The following FAM184B variants were observed in gnomAD, a reference collection of about 807,000 sequenced individuals.
The protein encoded by FAM184B is family with sequence similarity 184 member B.
FAM184B carries 111 observed loss-of-function variants against 135.9 expected under a neutral mutation model. The ratio of observed to expected loss-of-function variants is 0.82; its 90% CI spans 0.70 to 0.96. The LOEUF is 0.96. Among genes scored for constraint, FAM184B ranks in the 40% least tolerant of loss-of-function variants. FAM184B has a pLI of 0.00. For synonymous variants in FAM184B, 552 were observed against 524.8 expected (o/e 1.05, Z -0.71); for missense variants, 1,375 against 1,323.9 (o/e 1.04, Z -0.60).
At chr4:17,761,524 A>AATACCCAG (rs1428203846) in intron 1 of FAM184B, among the ~76,000 whole-genome samples, 1 of 152,198 alleles carries the variant, frequency 6.6e-6, no homozygotes. Context: ...TCAGCCTTGG[A>AATACCCAG]ATACCCAGGC....
intron 10 of FAM184B, among the ~76,000 whole-genome samples, chr4:17,653,236 C>A (rs766442722): frequency 6.6e-6 from 1 of 152,182 alleles, no homozygotes; most frequent in African/African-American, 2.4e-5. Flanking sequence ...ATCAAAGTTC[C>A]TTTAATGTAA....
At chr4:17,637,162 G>C (rs1715168221) in intron 14 of FAM184B, among the ~76,000 whole-genome samples, 1 of 152,114 alleles carries the variant, frequency 6.6e-6, no homozygotes, top group Non-Finnish European at 1.5e-5. Context: ...CTGAGCAGCT[G>C]GTACTACAGG....
At position 17,642,168 on chromosome 4, in the gene FAM184B, C is replaced by T. The variant is rs370959255; in HGVS notation, c.2407G>A (p.Glu803Lys). 4.2e-5 allele frequency: 65 copies of T among 1,532,632 alleles called. No individual in the cohort carries two copies. Among genetic ancestry groups the T allele is most frequent in the East Asian group, 3.0e-4 (12 of 40,652 alleles). 94.9% of individuals were successfully genotyped at this position (1,532,632 alleles called of 1,614,324 possible). Residue 803 changes from glutamate (E) to lysine (K), a missense_variant, in exon 13 of 18, where the codon GAG becomes AAG. Transcript: ENST00000265018. Reference protein sequence around the residue: ...PPGAAGQGSGEGCGLWEENAQ... With the variant: ...PPGAAGQGSGKGCGLWEENAQ... ...TTCTCCTCCCAGAGCCCGCATCCCT[C>T]GCCGGAACCCTGCCCAGCAGCGCCC...
At chr4:17,642,748 C>G (rs531306357) in intron 12 of FAM184B, among the ~76,000 whole-genome samples, 1 of 152,088 alleles carries the variant, frequency 6.6e-6, no homozygotes, top group African/African-American at 2.4e-5. Flanking sequence ...TTCATCTTTC[C>G]AACCCTGTAG....
At position 17,652,936 on chromosome 4, in the gene FAM184B, G is replaced by A; in HGVS notation, c.2085C>T (p.Ile695=). The part of the protein sequence containing the change: ...LKKESSHSLQ[I]QHQTHRLELQ... ...GCTCCAGTCGGTGTGTCTGGTGTTG[G>A]ATCTGGAGGCTGTGGCTGGATTCCT... is the stretch of plus-strand genomic sequence containing the variant. The change falls in exon 11 of 18, where the codon ATC becomes ATT. Residue 695 remains isoleucine, a synonymous_variant. Transcript: ENST00000265018. The A allele has an allele frequency of 6.4e-7, 1 of 1,551,732 alleles. No homozygotes were observed.
At chr4:17,725,565 T>C (rs1243561904) in intron 1 of FAM184B, among the ~76,000 whole-genome samples, 3 of 152,148 alleles carry the variant, frequency 2.0e-5, no homozygotes, top group Admixed American at 6.5e-5. Context: ...CACACTCCTA[T>C]TAGCACATTT....
chr4:17,701,120 A>G (rs757054886), intron 5 of FAM184B, among the ~76,000 whole-genome samples: 9 of 152,200 alleles, frequency 5.9e-5, no homozygotes, highest in Non-Finnish European at 1.3e-4. Context: ...TTGTTTGACT[A>G]GATCTTGTCC....
At chr4:17,714,163 T>C (rs537342413) in intron 1 of FAM184B, among the ~76,000 whole-genome samples, 2 of 152,284 alleles carry the variant, frequency 1.3e-5, no homozygotes, top group Non-Finnish European at 2.9e-5. Context: ...ATGGGGCTGC[T>C]GCAGTTCATC....
chr4:17,629,830 G>T lies in FAM184B; in HGVS notation c.*2702C>A, dbSNP rs1387949091. On this transcript the variant is annotated 3_prime_UTR_variant, in exon 18 of 18. Transcript: ENST00000265018. ...TGTCAATAGTGTTAGGGCACAGTAG[G>T]TTCATTTACTGCTGGTAAGGGTGTA... 1 of 152,170 alleles carries T rather than the reference G, an allele frequency of 6.6e-6. No individual in the cohort carries two copies. Among genetic ancestry groups the T allele is most frequent in the East Asian group, 1.9e-4 (1 of 5,194 alleles). The allele number at this position is 152,170 out of a possible 1,614,324, so 9.4% of individuals were successfully genotyped here.
chr4:17,742,583 G>A lies in FAM184B; in HGVS notation c.142-32939C>T, dbSNP rs951102999. Among the ~76,000 whole-genome samples the A allele has an allele frequency of 5.9e-5, 9 of 152,220 alleles. No individual in the cohort carries two copies. The East Asian group carries it at 1.7e-3, about 29-fold the overall frequency. ...TGCCTATAAAAGATTTCAGCTGATA[G>A]AGCAACACAGGCAGCTGAGCATTGA... On this transcript the variant is annotated intron_variant, in intron 1 of 17. Coordinates refer to ENST00000265018, the MANE Select transcript of FAM184B (RefSeq NM_015688.2).
chr4:17,659,890 T>A, intron 9 of FAM184B, 68 bp downstream of exon 9: 2 of 1,535,280 alleles, frequency 1.3e-6, no homozygotes, highest in Non-Finnish European at 1.8e-6. Context: ...TGCATGCATT[T>A]CCAAGTTTGT....
At chr4:17,747,750 T>C (rs1471259633) in intron 1 of FAM184B, among the ~76,000 whole-genome samples, 2 of 151,414 alleles carry the variant, frequency 1.3e-5, no homozygotes, top group Non-Finnish European at 2.9e-5. Flanking sequence ...TGAAACCCCG[T>C]CTCTACTAAA....
rs1158476146 is a variant in FAM184B at position 17,707,657 on chromosome 4, T to C, written c.1022A>G (p.Gln341Arg). The C allele has an allele frequency of 3.2e-6, 5 of 1,551,654 alleles. No homozygotes were observed. The Admixed American group carries it at 9.8e-5, about 30-fold the overall frequency. ...ATTCCAGGGCATCTCACCTGTCTGCTGTGTCCCACGACACTCCTGCAGCAT... is the reference window on the plus strand; with the variant it reads ...ATTCCAGGGCATCTCACCTGTCTGCCGTGTCCCACGACACTCCTGCAGCAT... ...RMMLQECRGT[Q>R]QTDAMKTELV... Residue 341 changes from glutamine to arginine, a missense_variant, in exon 3 of 18, where the codon CAG becomes CGG. Gln to Arg is a conservative substitution (Grantham distance 43). Transcript: ENST00000265018.
chr4:17,707,461 G>A (rs1353862606), intron 3 of FAM184B, among the ~76,000 whole-genome samples, 188 bp downstream of exon 3: 1 of 152,156 alleles, frequency 6.6e-6, no homozygotes, highest in Non-Finnish European at 1.5e-5. Context: ...GCCAGCTCCA[G>A]GTGAGGCAGC....
At chr4:17,751,663 A>C (rs1718293712) in intron 1 of FAM184B, among the ~76,000 whole-genome samples, 1 of 152,008 alleles carries the variant, frequency 6.6e-6, no homozygotes, top group Non-Finnish European at 1.5e-5. Context: ...GTTCTATCTG[A>C]GCCTGTTTCA....
intron 1 of FAM184B, among the ~76,000 whole-genome samples, chr4:17,748,505 ATTTT>A (rs34998803): frequency 2.0e-5 from 2 of 98,562 alleles, no homozygotes; most frequent in African/African-American, 4.3e-5. Context: ...CTCTTGTGTA[ATTTT>A]TTTTTTTTTT....
intron 1 of FAM184B, among the ~76,000 whole-genome samples, chr4:17,724,447 A>T (rs1334539171): frequency 2.0e-5 from 3 of 152,218 alleles, no homozygotes; most frequent in African/African-American, 7.2e-5. Context: ...CCAAGTCCTG[A>T]GGCCTCCCTT....
At chr4:17,641,461 C>CTTTTTTTTTTTTTTTTTTTTTT (rs71167316) in intron 13 of FAM184B, among the ~76,000 whole-genome samples, 4 of 45,700 alleles carry the variant, frequency 8.8e-5, no homozygotes, top group African/African-American at 2.5e-4. Flanking sequence ...AGGACTCCCT[C>CTTTTTTTTTTTTTTTTTTTTTT]TTTTTTTTTT....
At position 17,636,279 on chromosome 4, in the gene FAM184B, T is replaced by C. The variant is rs142752016; in HGVS notation, c.2784+249A>G. On this transcript the variant is annotated intron_variant, in intron 15 of 17. Coordinates refer to ENST00000265018, the MANE Select transcript of FAM184B (RefSeq NM_015688.2). The stretch of plus-strand genomic sequence containing the variant: ...CACAACCACACCCAGCTAATTTTTG[T>C]ATTTTTAGTAGAGACAGGGTTTCAA... Among the ~76,000 whole-genome samples the C allele has an allele frequency of 1.5e-3, 236 of 152,280 alleles. 1 individual carries two copies. The highest frequency in any genetic ancestry group is 5.2e-3 in the African/African-American group (217 of 41,568).
Sources: gnomAD v4.1 joint callset for allele counts (sites outside exome capture counted in the v4.1 genomes callset) on GRCh38, gnomAD v4.1.1 for gene constraint, MANE v1.5 for transcripts, NCBI Gene and HGNC (gene_info 2026-07-23, HGNC 2026-07-21) for gene names.